Variants in PGM2L1 observed in about 807,000 individuals in gnomAD.
PGM2L1 encodes the protein phosphoglucomutase 2 like 1.
Under a neutral mutation model 73.4 loss-of-function variants are expected in PGM2L1, and 35 were observed. The observed-to-expected ratio is 0.48, with a 90% CI of 0.36 to 0.63. The LOEUF is 0.63. Ranked by LOEUF, PGM2L1 falls within the 30% of genes least tolerant of loss-of-function variation. The pLI is 0.00. For synonymous variants in PGM2L1, 225 were observed against 253.8 expected (o/e 0.89, Z 1.08); for missense variants, 570 against 742.0 (o/e 0.77, Z 2.69).
At position 74,398,180 on chromosome 11, in the gene PGM2L1, C is replaced by G. The variant is rs759686776; in HGVS notation, c.-19G>C. ...CAGCCATGGCGACCAGACAGGCGTA[C>G]GGGCCGGGGGCCGGCGAAGACACTG... is the stretch of plus-strand genomic sequence containing the variant. On this transcript the variant is annotated 5_prime_UTR_variant, in exon 1 of 14. Transcript: ENST00000298198. 8 of 1,599,070 alleles carry G rather than the reference C, an allele frequency of 5.0e-6. No individual in the cohort carries two copies. In the East Asian group the frequency reaches 1.6e-4, roughly 32 times the overall value.
At position 74,342,901 on chromosome 11, in the gene PGM2L1, C is replaced by G. The variant is rs781176522; in HGVS notation, c.1426G>C (p.Val476Leu). 1.2e-6 allele frequency: 2 copies of G among 1,603,904 alleles called. No homozygotes were observed. The highest frequency in any genetic ancestry group is 1.7e-6 in the Non-Finnish European group (2 of 1,176,662). The change falls in exon 11 of 14, where the codon GTT becomes CTT. Residue 476 changes from valine to leucine, a missense_variant. Val to Leu is a conservative substitution (Grantham distance 32). Coordinates refer to ENST00000298198, the MANE Select transcript of PGM2L1 (RefSeq NM_173582.6). ...TMNITLKQQL[V>L]KVYEKYGYHI... ...AGAACTTACTTTTCATAAACCTTAACCAGTTGCTGTTTCAATGTTATATTC... is the reference window on the plus strand; with the variant it reads ...AGAACTTACTTTTCATAAACCTTAAGCAGTTGCTGTTTCAATGTTATATTC...
rs1254522536 is a variant in PGM2L1 at position 74,331,000 on chromosome 11, T to G, written c.*5652A>C. On this transcript the variant is annotated 3_prime_UTR_variant, in exon 14 of 14. Coordinates refer to ENST00000298198, the MANE Select transcript of PGM2L1 (RefSeq NM_173582.6). ...TTCATTTTTTGATTGTTCCTTAAACTATTTGCTACTTTTAAAAAATCCCTT... is the reference window on the plus strand; with the variant it reads ...TTCATTTTTTGATTGTTCCTTAAACGATTTGCTACTTTTAAAAAATCCCTT... The G allele has an allele frequency of 6.6e-6, 1 of 152,202 alleles. No individual in the cohort carries two copies. Among genetic ancestry groups the G allele is most frequent in the Non-Finnish European group, 1.5e-5 (1 of 68,034 alleles). The allele number at this position is 152,202 out of a possible 1,614,324, so 9.4% of individuals were successfully genotyped here. A position where few individuals can be genotyped will look rare whatever the true frequency, so the allele number is the denominator to read the frequency against.
intron 12 of PGM2L1, among the ~76,000 whole-genome samples, chr11:74,342,001 A>C (rs1862189935): frequency 6.6e-6 from 1 of 152,058 alleles, no homozygotes; most frequent in Non-Finnish European, 1.5e-5. Flanking sequence ...TATTATAATT[A>C]GCATATAATG....
intron 9 of PGM2L1, among the ~76,000 whole-genome samples, chr11:74,344,194 T>C (rs1006631293): frequency 6.6e-6 from 1 of 152,202 alleles, no homozygotes; most frequent in Non-Finnish European, 1.5e-5. Context: ...ATTTCAAGTT[T>C]CTGCTTCTCA....
intron 2 of PGM2L1, among the ~76,000 whole-genome samples, chr11:74,373,559 A>G (rs1325123839): frequency 2.0e-5 from 3 of 152,252 alleles, no homozygotes; most frequent in Non-Finnish European, 4.4e-5. Context: ...CACTGCAAAG[A>G]GAAGCAATTT....
intron 9 of PGM2L1, 114 bp from the exon 10 acceptor site, chr11:74,343,530 T>C (rs1224653702): frequency 4.2e-6 from 6 of 1,434,316 alleles, no homozygotes; most frequent in Non-Finnish European, 5.5e-6. Context: ...ACTATAGTCT[T>C]CAGTCCACAA....
chr11:74,342,575 C>A lies in PGM2L1; in HGVS notation c.1518G>T (p.Arg506Ser), dbSNP rs369829875. 81 of 1,605,678 alleles carry A rather than the reference C, an allele frequency of 5.0e-5. No individual in the cohort carries two copies. The highest frequency in any genetic ancestry group is 6.6e-5 in the Non-Finnish European group (77 of 1,175,136). The stretch of plus-strand genomic sequence containing the variant: ...CTTTTGGAGAATCAAAATTACGAAG[C>A]CTTTCAAATATACTTTTGATGGTAG... Reference protein sequence around the residue: ...EPPTIKSIFERLRNFDSPKEY... With the variant: ...EPPTIKSIFESLRNFDSPKEY... Residue 506 changes from arginine (R) to serine (S), a missense_variant, in exon 12 of 14, where the codon AGG (arginine) becomes AGT (serine). Coordinates refer to ENST00000298198, the MANE Select transcript of PGM2L1 (RefSeq NM_173582.6).
rs1417924845 is a variant in PGM2L1, at chr11:74,368,528, A to G, written c.519T>C (p.Thr173=). The G allele has an allele frequency of 6.2e-7, 1 of 1,613,928 alleles. No homozygotes were observed. The change falls in exon 5 of 14, where the codon ACT becomes ACC. Residue 173 remains threonine (T), a synonymous_variant. Transcript: ENST00000298198. ...TGTCTTCCTTGCGGTTGTGAGAGGC[A>G]GTAATCATCACACCTGCAACTGCTT... ...KLKAVAGVMI[T]ASHNRKEDNG...
intron 5 of PGM2L1, among the ~76,000 whole-genome samples, chr11:74,352,166 G>A (rs762553757): frequency 2.0e-5 from 3 of 151,468 alleles, no homozygotes; most frequent in Admixed American, 2.0e-4. Context: ...ATACAAGCAG[G>A]GCTAATTATT....
At chr11:74,339,117 G>A (rs1039341707) in intron 12 of PGM2L1, among the ~76,000 whole-genome samples, 3 of 152,104 alleles carry the variant, frequency 2.0e-5, no homozygotes, top group Non-Finnish European at 4.4e-5. Flanking sequence ...CTCAAAGAGA[G>A]TAAACAACCC....
intron 1 of PGM2L1, among the ~76,000 whole-genome samples, chr11:74,385,768 A>G (rs991159742): frequency 6.6e-6 from 1 of 152,150 alleles, no homozygotes; most frequent in Non-Finnish European, 1.5e-5. Flanking sequence ...CCACCAAGAA[A>G]GGAAACAATA....
intron 5 of PGM2L1, among the ~76,000 whole-genome samples, chr11:74,361,218 G>A (rs1862558639): frequency 6.6e-6 from 1 of 152,156 alleles, no homozygotes; most frequent in African/African-American, 2.4e-5. Context: ...GGAACAATCA[G>A]GCAGGAACAT....
intron 5 of PGM2L1, among the ~76,000 whole-genome samples, chr11:74,364,570 A>G (rs1862623051): frequency 6.6e-6 from 1 of 152,200 alleles, no homozygotes. Context: ...TACACCAATA[A>G]CAGACAAACA....
At position 74,371,834 on chromosome 11, in the gene PGM2L1, C is replaced by G. The variant is rs371027948; in HGVS notation, c.280-17G>C. 2.8e-4 allele frequency: 431 copies of G among 1,566,744 alleles called. 1 individual carries two copies. In the African/African-American group the frequency reaches 5.6e-3, roughly 20 times the overall value. On this transcript the variant is annotated splice_polypyrimidine_tract_variant and intron_variant, in intron 2 of 13. Coordinates refer to ENST00000298198, the MANE Select transcript of PGM2L1 (RefSeq NM_173582.6). ...GTACATCCCCTGAAGCAAATAAACACAAAAGATTAGTTCTAATGGATGCTT... is the reference window on the plus strand; with the variant it reads ...GTACATCCCCTGAAGCAAATAAACAGAAAAGATTAGTTCTAATGGATGCTT...
chr11:74,361,746 C>T (rs555202656), intron 5 of PGM2L1, among the ~76,000 whole-genome samples: 22 of 152,214 alleles, frequency 1.4e-4, no homozygotes, highest in African/African-American at 4.6e-4. Flanking sequence ...AACTACGTGA[C>T]GAATGCACAA....
intron 1 of PGM2L1, among the ~76,000 whole-genome samples, chr11:74,386,480 C>T (rs1352482975): frequency 2.8e-5 from 4 of 141,732 alleles, no homozygotes; most frequent in Admixed American, 7.1e-5. Flanking sequence ...AAAAAAAAAA[C>T]TTTTTTTTTT....
chr11:74,364,047 A>C (rs1862611940), intron 5 of PGM2L1, among the ~76,000 whole-genome samples: 1 of 152,198 alleles, frequency 6.6e-6, no homozygotes, highest in Admixed American at 6.5e-5. Flanking sequence ...CTGGGATGTA[A>C]GGCTGGTTCG....
rs960444456 is a variant in PGM2L1, at chr11:74,364,864, C to T, written c.555+3628G>A. ...TTCTTCACAGAATTGGAAAAAACTA[C>T]TTTAAAGTTCATATGGAACCAAAAA... On this transcript the variant is annotated intron_variant, in intron 5 of 13. Coordinates refer to ENST00000298198, the MANE Select transcript of PGM2L1 (RefSeq NM_173582.6). Among the ~76,000 whole-genome samples the T allele has an allele frequency of 8.9e-4, 136 of 152,090 alleles. 3 individuals are homozygous for T. The highest frequency in any genetic ancestry group is 3.1e-4 in the Non-Finnish European group (21 of 67,986).
intron 5 of PGM2L1, among the ~76,000 whole-genome samples, chr11:74,356,289 A>T (rs920813383): frequency 1.3e-5 from 2 of 152,214 alleles, no homozygotes; most frequent in African/African-American, 2.4e-5. Flanking sequence ...AAGCAAAATC[A>T]TGGAATTATT....
Sources: gnomAD v4.1 joint callset for allele counts (sites outside exome capture counted in the v4.1 genomes callset) on GRCh38, gnomAD v4.1.1 for gene constraint, MANE v1.5 for transcripts, NCBI Gene and HGNC (gene_info 2026-07-23, HGNC 2026-07-21) for gene names.